The following EXT1 variants were observed in gnomAD, a reference collection of about 807,000 sequenced individuals.
EXT1 encodes exostosin-1.
In EXT1, 20 loss-of-function variants were observed where a neutral mutation model predicts 82.5. The ratio of observed to expected loss-of-function variants is 0.24; its 90% CI spans 0.17 to 0.35. EXT1 has a LOEUF of 0.35. Among genes scored for constraint, EXT1 ranks in the 10% least tolerant of loss-of-function variants. EXT1 has a pLI of 1.00. For missense variants in EXT1, 757 were observed against 936.5 expected, an observed-to-expected ratio of 0.81 and a Z score of 2.50; for synonymous variants, 348 against 350.8, an observed-to-expected ratio of 0.99 and a Z score of 0.09.
At chr8:118,022,136 C>T (rs1447703725) in intron 1 of EXT1, among the ~76,000 whole-genome samples, 1 of 151,992 alleles carries the variant, frequency 6.6e-6, no homozygotes, top group Non-Finnish European at 1.5e-5. Flanking sequence ...TCCAGGTAAA[C>T]CAACCATCAG....
At chr8:117,844,178 G>C (rs1812317455) in intron 1 of EXT1, among the ~76,000 whole-genome samples, 1 of 74,526 alleles carries the variant, frequency 1.3e-5, no homozygotes, top group African/African-American at 5.3e-5. Flanking sequence ...TTTGAGACAA[G>C]ATCTTGCTCT....
intron 1 of EXT1, among the ~76,000 whole-genome samples, chr8:118,002,363 A>C (rs1399050366): frequency 7.1e-6 from 1 of 141,008 alleles, no homozygotes; most frequent in Non-Finnish European, 1.5e-5. Context: ...CCTGGGCGAC[A>C]GACGGCGACT....
chr8:118,031,283 G>A (rs925526178), intron 1 of EXT1, among the ~76,000 whole-genome samples: 1 of 152,114 alleles, frequency 6.6e-6, no homozygotes, highest in Non-Finnish European at 1.5e-5. Flanking sequence ...CACTTTAGGA[G>A]GCCGAGGTGG....
In EXT1 at chr8:117,910,573, T is replaced by C. The variant is rs1285546526; in HGVS notation, c.963-73372A>G. Among the ~76,000 whole-genome samples the C allele has an allele frequency of 3.3e-5, 5 of 151,994 alleles. No homozygotes were observed. The East Asian group carries it at 7.7e-4, about 24-fold the overall frequency. ...ACTGCGACAGCCAGAGAGAAAATCA[T>C]GAAATAGGAGGAGGGAGGAAGAAGA... On this transcript the variant is annotated intron_variant, in intron 1 of 10. Coordinates refer to ENST00000378204, the MANE Select transcript of EXT1 (RefSeq NM_000127.3).
rs34963536 is a variant in EXT1 at position 117,897,591 on chromosome 8, C to CTTTT, written c.963-60394_963-60391dup. On this transcript the variant is annotated intron_variant, in intron 1 of 10. Transcript: ENST00000378204. ...TAGCCCATTGCCGGGCTTCTTTTCTCTTTTTTTTTTTTTTTTTTTTTGAGA... is the reference window on the plus strand; with the variant it reads ...TAGCCCATTGCCGGGCTTCTTTTCTCTTTTTTTTTTTTTTTTTTTTTTTTTGAGA... Among the ~76,000 whole-genome samples, 206 of 90,674 alleles carry CTTTT rather than the reference C, an allele frequency of 2.3e-3. 7 individuals carry two copies. Among genetic ancestry groups the CTTTT allele is most frequent in the Non-Finnish European group, 2.6e-3 (132 of 49,868 alleles). 59.5% of individuals were successfully genotyped at this position (90,674 alleles called of 152,430 possible).
rs367938965 is a variant in EXT1 at position 118,027,940 on chromosome 8, C to G, written c.962+82145G>C. On this transcript the variant is annotated intron_variant, in intron 1 of 10. Transcript: ENST00000378204. ...CAATTATCAACACATATTAGTCATGCTGCTTGATGCTTGACCTTACTTTCC... is the reference window on the plus strand; with the variant it reads ...CAATTATCAACACATATTAGTCATGGTGCTTGATGCTTGACCTTACTTTCC... 2.0e-5 allele frequency among the ~76,000 whole-genome samples: 3 copies of G among 152,300 alleles called. No homozygotes were observed. The East Asian group carries it at 5.8e-4, about 29-fold the overall frequency.
At chr8:118,098,243 C>T (rs1817654934) in intron 1 of EXT1, among the ~76,000 whole-genome samples, 1 of 152,116 alleles carries the variant, frequency 6.6e-6, no homozygotes, top group Non-Finnish European at 1.5e-5. Flanking sequence ...AGCTAGGCCC[C>T]CGCTAGGAGT....
intron 1 of EXT1, among the ~76,000 whole-genome samples, chr8:117,890,757 A>G (rs1006968033): frequency 2.0e-5 from 3 of 152,192 alleles, no homozygotes; most frequent in Non-Finnish European, 4.4e-5. Flanking sequence ...AGTTCAAGGT[A>G]GCAGGTCCTC....
chr8:117,960,736 C>A (rs1814682446), intron 1 of EXT1, among the ~76,000 whole-genome samples: 1 of 152,130 alleles, frequency 6.6e-6, no homozygotes, highest in Non-Finnish European at 1.5e-5. Context: ...GTGATAAGAG[C>A]ATCCTGGACA....
intron 1 of EXT1, among the ~76,000 whole-genome samples, chr8:117,858,579 G>T (rs1812608143): frequency 6.6e-6 from 1 of 151,998 alleles, no homozygotes; most frequent in East Asian, 1.9e-4. Flanking sequence ...CTTGGAGGCT[G>T]AGGCAGGAGA....
At chr8:117,870,140 T>C (rs982544991) in intron 1 of EXT1, among the ~76,000 whole-genome samples, 1 of 152,206 alleles carries the variant, frequency 6.6e-6, no homozygotes, top group African/African-American at 2.4e-5. Flanking sequence ...CATCTAAAGA[T>C]GACCAAACTA....
chr8:118,044,303 T>G (rs1816583864), intron 1 of EXT1, among the ~76,000 whole-genome samples: 1 of 152,140 alleles, frequency 6.6e-6, no homozygotes, highest in African/African-American at 2.4e-5. Context: ...AGTTAATGGT[T>G]GATCAAACCA....
intron 1 of EXT1, among the ~76,000 whole-genome samples, chr8:117,885,071 C>T (rs1206158413): frequency 6.6e-6 from 1 of 152,088 alleles, no homozygotes; most frequent in Non-Finnish European, 1.5e-5. Context: ...TGAAAACATC[C>T]AAAACATCCA....
chr8:117,908,525 G>A lies in EXT1; in HGVS notation c.963-71324C>T, dbSNP rs113034806. 1.7e-4 allele frequency among the ~76,000 whole-genome samples: 26 copies of A among 152,076 alleles called. No homozygotes were observed. The South Asian group carries it at 2.3e-3, about 13-fold the overall frequency. On this transcript the variant is annotated intron_variant, in intron 1 of 10. Coordinates refer to ENST00000378204, the MANE Select transcript of EXT1 (RefSeq NM_000127.3). ...TATGCCTGTAGTCCCAGCTACTCAG[G>A]AGGCTGAGGCAGGAGAATCACTTGA...
chr8:117,908,721 A>C (rs1215676551), intron 1 of EXT1, among the ~76,000 whole-genome samples: 1 of 152,196 alleles, frequency 6.6e-6, no homozygotes, highest in Non-Finnish European at 1.5e-5. Flanking sequence ...TAAAGAATAT[A>C]GTGGCCTAAG....
chr8:117,907,420 TG>T (rs2129981002), intron 1 of EXT1, among the ~76,000 whole-genome samples: 1 of 152,340 alleles, frequency 6.6e-6, no homozygotes, highest in African/African-American at 2.4e-5. Context: ...TTCATCATGA[TG>T]GTTCCCCTTA....
Position 118,110,424 on chromosome 8 carries a change from C to T in EXT1, c.623G>A (p.Gly208Glu), listed in dbSNP as rs1217793768. Reference sequence around the variant, plus strand: ...CAGCATCGCCTGGCCGATGTCAAACCCCACGTCCTCGGTGTAGTCAGGCCA... The same window carrying T: ...CAGCATCGCCTGGCCGATGTCAAACTCCACGTCCTCGGTGTAGTCAGGCCA... ...GTWPDYTEDV[G>E]FDIGQAMLAK... The change falls in exon 1 of 11, where the codon GGG becomes GAG. Residue 208 changes from glycine to glutamate, a missense_variant. This residue lies in a region of EXT1 where 247 missense variants were observed against 330.1 expected (regional missense o/e 0.75). Transcript: ENST00000378204. The T allele has an allele frequency of 6.2e-7, 1 of 1,613,950 alleles. No homozygotes were observed. The highest frequency in any genetic ancestry group is 1.3e-5 in the African/African-American group (1 of 74,910).
chr8:117,974,209 G>A lies in EXT1; in HGVS notation c.962+135876C>T, dbSNP rs575060640. ...TAGCAGATTATAGAAGAGCTTTCAG[G>A]TTATTATCGTTTAAAAGTCATAGTA... On this transcript the variant is annotated intron_variant, in intron 1 of 10. Transcript: ENST00000378204. 7.2e-5 allele frequency among the ~76,000 whole-genome samples: 11 copies of A among 152,254 alleles called. No homozygotes were observed. The South Asian group carries it at 2.1e-3, about 29-fold the overall frequency.
In EXT1 at chr8:117,822,350, A is replaced by G. The variant is rs556719717; in HGVS notation, c.1417+115T>C. The G allele has an allele frequency of 4.0e-5, 47 of 1,179,130 alleles. No homozygotes were observed. The African/African-American group carries it at 5.4e-4, about 14-fold the overall frequency. The allele number at this position is 1,179,130 out of a possible 1,614,324, so 73.0% of individuals were successfully genotyped here. ...TTATAACAAGGCTCTAGAAAAAGCA[A>G]TCTTCAATGCAGGGTGTTAGATGGA... On this transcript the variant is annotated intron_variant, in intron 5 of 10. Transcript: ENST00000378204.
Sources: gnomAD v4.1 joint callset for allele counts (sites outside exome capture counted in the v4.1 genomes callset) on GRCh38, gnomAD v4.1.1 for gene constraint, gnomAD v4.1.1 regional missense constraint, MANE v1.5 for transcripts, NCBI Gene and HGNC (gene_info 2026-07-23, HGNC 2026-07-21) for gene names.